The following SPRED2 variants were observed in gnomAD, a reference collection of about 807,000 sequenced individuals.
SPRED2 encodes sprouty-related, EVH1 domain-containing protein 2.
A neutral mutation model predicts 43.0 loss-of-function variants in SPRED2; 47 were observed. That is an observed-to-expected ratio of 1.09 (90% CI 0.87 to 1.40). The LOEUF (loss-of-function observed/expected upper bound fraction) is 1.40, where lower values mean the gene tolerates loss of function less well. Ranked by LOEUF, SPRED2 falls within the 40% of genes most tolerant of loss-of-function variation. The probability of loss-of-function intolerance (pLI) is 0.00; values close to 1 mark genes in which losing one functional copy is unlikely to be tolerated. For missense variants in SPRED2, 561 were observed against 586.4 expected (o/e 0.96, Z 0.45); for synonymous variants, 225 against 225.7 (o/e 1.00, Z 0.03).
chr2:65,326,798 C>T (rs1673633295), intron 4 of SPRED2, among the ~76,000 whole-genome samples: 1 of 152,014 alleles, frequency 6.6e-6, no homozygotes, highest in South Asian at 2.1e-4. Context: ...GCCACCAGTC[C>T]AGGTCAACAA....
chr2:65,376,996 G>A (rs1457607076), intron 1 of SPRED2, among the ~76,000 whole-genome samples: 1 of 152,152 alleles, frequency 6.6e-6, no homozygotes, highest in African/African-American at 2.4e-5. Context: ...TTACAGGCGT[G>A]AGCCACCATG....
chr2:65,320,942 ATC>A (rs746647024), intron 4 of SPRED2, among the ~76,000 whole-genome samples: 1 of 152,138 alleles, frequency 6.6e-6, no homozygotes, highest in Admixed American at 6.5e-5. Context: ...ATTCTTAAAC[ATC>A]TCTCTGTTAT....
chr2:65,411,472 C>T (rs1033665696), intron 1 of SPRED2, among the ~76,000 whole-genome samples: 1 of 152,182 alleles, frequency 6.6e-6, no homozygotes, highest in African/African-American at 2.4e-5. Context: ...TTCCTATATG[C>T]TGAAACGGGC....
chr2:65,344,589 T>C, intron 2 of SPRED2, 130 bp downstream of exon 2: 7 of 1,277,312 alleles, frequency 5.5e-6, no homozygotes, highest in Non-Finnish European at 7.8e-6. Context: ...GTTCTAACTT[T>C]TGAAGCTTTT....
chr2:65,366,751 T>C (rs1406323563), intron 1 of SPRED2: 1 of 1,469,428 alleles, frequency 6.8e-7, no homozygotes, highest in Non-Finnish European at 9.0e-7. Flanking sequence ...TTCAGTCTCC[T>C]TGACAAATAT....
intron 4 of SPRED2, among the ~76,000 whole-genome samples, chr2:65,323,554 C>G (rs1320189041): frequency 6.6e-6 from 1 of 151,488 alleles, no homozygotes; most frequent in Non-Finnish European, 1.5e-5. Flanking sequence ...GCTGGCCTGT[C>G]CAAATCCTCT....
At chr2:65,381,112 G>C (rs1330755316) in intron 1 of SPRED2, among the ~76,000 whole-genome samples, 2 of 152,150 alleles carry the variant, frequency 1.3e-5, no homozygotes, top group African/African-American at 4.8e-5. Context: ...CCTGACTCCA[G>C]ACACATGGCT....
chr2:65,317,426 T>C (rs1196485168), intron 4 of SPRED2, among the ~76,000 whole-genome samples: 1 of 152,006 alleles, frequency 6.6e-6, no homozygotes, highest in Non-Finnish European at 1.5e-5. Flanking sequence ...AGCAGGAGAA[T>C]TGTTTGAACC....
intron 1 of SPRED2, among the ~76,000 whole-genome samples, chr2:65,414,527 C>T (rs972349464): frequency 6.6e-6 from 1 of 152,192 alleles, no homozygotes; most frequent in African/African-American, 2.4e-5. Context: ...CTTTCTTCAA[C>T]CTTGGTCCCC....
At chr2:65,344,239 T>C (rs113014978) in intron 2 of SPRED2, 3 of 180,034 alleles carry the variant, frequency 1.7e-5, no homozygotes, top group African/African-American at 7.2e-5. Context: ...CATTAGGGCA[T>C]GAAATAAAAG....
At chr2:65,338,156 CGTCTCCCTCTCCCG>C (rs1558657647) in intron 2 of SPRED2, among the ~76,000 whole-genome samples, 2 of 140,262 alleles carry the variant, frequency 1.4e-5, no homozygotes, top group Admixed American at 6.9e-5. Flanking sequence ...CTCCCTCTCC[CGTCTCCCTCTCCCG>C]TCTCCCGTCT....
At chr2:65,323,430 C>T (rs1462039408) in intron 4 of SPRED2, among the ~76,000 whole-genome samples, 1 of 151,718 alleles carries the variant, frequency 6.6e-6, no homozygotes, top group Non-Finnish European at 1.5e-5. Flanking sequence ...GAGGAAGAAC[C>T]CAGAAAGGAG....
intron 1 of SPRED2, among the ~76,000 whole-genome samples, chr2:65,356,119 A>G (rs1368478104): frequency 1.3e-5 from 2 of 152,150 alleles, no homozygotes; most frequent in Non-Finnish European, 2.9e-5. Flanking sequence ...TTCTCAGAAT[A>G]TTTTTGCTTT....
At chr2:65,362,131 G>A (rs1674830617) in intron 1 of SPRED2, among the ~76,000 whole-genome samples, 1 of 152,202 alleles carries the variant, frequency 6.6e-6, no homozygotes, top group Non-Finnish European at 1.5e-5. Flanking sequence ...TGAAGATGAT[G>A]CAGCTAACTG....
chr2:65,312,670 G>T lies in SPRED2; in HGVS notation c.*831C>A, dbSNP rs1254682713. ...AAAAATGTTCTACTTTAGGGGTAAT[G>T]GGGAGGCTCATAGAAACCTGAAATC... On this transcript the variant is annotated 3_prime_UTR_variant, in exon 6 of 6. Transcript: ENST00000356388. 3.8e-5 allele frequency: 37 copies of T among 985,742 alleles called. No individual in the cohort carries two copies. Among genetic ancestry groups the T allele is most frequent in the Non-Finnish European group, 4.3e-5 (36 of 829,942 alleles). The allele number at this position is 985,742 out of a possible 1,614,324, so 61.1% of individuals were successfully genotyped here. A position where few individuals can be genotyped will look rare whatever the true frequency, so the allele number is the denominator to read the frequency against.
chr2:65,324,724 C>T (rs1266797300), intron 4 of SPRED2, among the ~76,000 whole-genome samples: 1 of 152,100 alleles, frequency 6.6e-6, no homozygotes, highest in Non-Finnish European at 1.5e-5. Flanking sequence ...GGGAAGGAAC[C>T]ACCAGGCCAG....
At chr2:65,358,316 T>A (rs1674714962) in intron 1 of SPRED2, among the ~76,000 whole-genome samples, 1 of 152,242 alleles carries the variant, frequency 6.6e-6, no homozygotes, top group African/African-American at 2.4e-5. Flanking sequence ...AGGTACAACC[T>A]GGTCATCTAG....
At chr2:65,323,533 A>G (rs925981676) in intron 4 of SPRED2, among the ~76,000 whole-genome samples, 2 of 151,396 alleles carry the variant, frequency 1.3e-5, no homozygotes, top group Non-Finnish European at 2.9e-5. Flanking sequence ...AAAACAAGAA[A>G]CAGGGACAGG....
intron 1 of SPRED2, among the ~76,000 whole-genome samples, chr2:65,422,199 T>C (rs1203456347): frequency 6.6e-6 from 1 of 152,044 alleles, no homozygotes; most frequent in African/African-American, 2.4e-5. Flanking sequence ...TGTTTGAAGA[T>C]TCTGGCAAGG....
Sources: allele counts gnomAD v4.1 joint callset (sites outside exome capture counted in the v4.1 genomes callset), GRCh38; gene constraint gnomAD v4.1.1; transcripts MANE v1.5; gene names NCBI Gene and HGNC (gene_info 2026-07-23, HGNC 2026-07-21).